The following NOL4 variants were observed in gnomAD, a reference collection of about 807,000 sequenced individuals.
NOL4 encodes nucleolar protein 4.
NOL4 carries 17 observed loss-of-function variants against 75.9 expected under a neutral mutation model. The observed-to-expected ratio is 0.22, with a 90% CI of 0.15 to 0.34. The LOEUF (loss-of-function observed/expected upper bound fraction) is 0.34, where lower values mean the gene tolerates loss of function less well. Among genes scored for constraint, NOL4 ranks in the 10% least tolerant of loss-of-function variants. NOL4 has a pLI of 1.00. For missense variants in NOL4, 614 were observed against 793.5 expected, an observed-to-expected ratio of 0.77 and a Z score of 2.72; for synonymous variants, 292 against 289.9, an observed-to-expected ratio of 1.01 and a Z score of -0.07.
intron 9 of NOL4, among the ~76,000 whole-genome samples, chr18:33,896,276 T>A (rs527729890): frequency 2.0e-5 from 3 of 152,212 alleles, no homozygotes; most frequent in Non-Finnish European, 4.4e-5. Context: ...ACCAATGACA[T>A]TCTTCACATA....
Position 34,056,722 on chromosome 18 carries a change from A to C in NOL4, c.772+36743T>G, listed in dbSNP as rs190691682. ...TCAAGAAAAGGACATGGGCATGCAA[A>C]ATTCTCTGAACTTTACTAGGATCTT... On this transcript the variant is annotated intron_variant, in intron 5 of 10. Coordinates refer to ENST00000261592, the MANE Select transcript of NOL4 (RefSeq NM_003787.5). 1.7e-4 allele frequency among the ~76,000 whole-genome samples: 26 copies of C among 152,216 alleles called. 1 individual carries two copies. The highest frequency in any genetic ancestry group is 1.4e-3 in the East Asian group (7 of 5,172).
chr18:34,105,343 T>C (rs368046260), intron 2 of NOL4, among the ~76,000 whole-genome samples, 183 bp from the exon 3 acceptor site: 29 of 152,142 alleles, frequency 1.9e-4, no homozygotes, highest in African/African-American at 7.0e-4. Context: ...TTAGATGTCT[T>C]TTAATAAAAG....
chr18:33,938,697 T>G (rs2068245968), intron 9 of NOL4, among the ~76,000 whole-genome samples: 2 of 152,168 alleles, frequency 1.3e-5, no homozygotes. Context: ...GATGGATAGA[T>G]TGCAAAAATG....
intron 1 of NOL4, among the ~76,000 whole-genome samples, chr18:34,217,962 C>T (rs1474312261): frequency 4.6e-5 from 7 of 152,094 alleles, no homozygotes; most frequent in Non-Finnish European, 1.0e-4. Flanking sequence ...GCTGTAAAAT[C>T]AACACTCTAC....
At chr18:34,046,981 T>C (rs897520304) in intron 5 of NOL4, among the ~76,000 whole-genome samples, 1 of 152,116 alleles carries the variant, frequency 6.6e-6, no homozygotes, top group African/African-American at 2.4e-5. Context: ...ACTCCCTGAC[T>C]TCCTGCTTTG....
At chr18:34,070,460 A>G (rs914217179) in intron 5 of NOL4, among the ~76,000 whole-genome samples, 4 of 152,140 alleles carry the variant, frequency 2.6e-5, no homozygotes, top group African/African-American at 9.7e-5. Flanking sequence ...TCATTTGTTG[A>G]TTTTCATTTA....
intron 5 of NOL4, among the ~76,000 whole-genome samples, chr18:34,047,756 A>T (rs8092990): frequency 0.44 from 66,398 of 151,814 alleles, 14,984 homozygotes; most frequent in East Asian, 0.52. Context: ...GCACAAACCA[A>T]AGAGGAAAAG....
intron 5 of NOL4, among the ~76,000 whole-genome samples, chr18:34,072,149 C>T (rs888102992): frequency 9.2e-5 from 14 of 151,864 alleles, no homozygotes; most frequent in South Asian, 8.3e-4. Flanking sequence ...GAGAATCGCC[C>T]GGGAGGCAGA....
At chr18:33,933,002 C>G (rs2067804026) in intron 9 of NOL4, among the ~76,000 whole-genome samples, 1 of 152,056 alleles carries the variant, frequency 6.6e-6, no homozygotes, top group South Asian at 2.1e-4. Flanking sequence ...ATACATGTTA[C>G]ATAGGAGATA....
rs188080743 is a variant in NOL4 at position 34,219,599 on chromosome 18, G to A, written c.264+3391C>T. Among the ~76,000 whole-genome samples the A allele has an allele frequency of 1.3e-3, 205 of 152,350 alleles. No individual in the cohort carries two copies. The Middle Eastern group carries it at 0.014, about 10-fold the overall frequency. On this transcript the variant is annotated intron_variant, in intron 1 of 10. Transcript: ENST00000261592. Reference sequence around the variant, plus strand: ...TGTAAAACAGAGTTACCATAGTTAAGTGAATTTAAAACTATCGCTGCTTAA... The same window carrying A: ...TGTAAAACAGAGTTACCATAGTTAAATGAATTTAAAACTATCGCTGCTTAA...
intron 9 of NOL4, among the ~76,000 whole-genome samples, chr18:33,917,999 C>A (rs1187586770): frequency 6.6e-6 from 1 of 152,134 alleles, no homozygotes; most frequent in East Asian, 1.9e-4. Flanking sequence ...TTATTGTTGT[C>A]ATTGTACAAA....
intron 6 of NOL4, among the ~76,000 whole-genome samples, chr18:34,018,345 C>T (rs1423652905): frequency 1.3e-5 from 2 of 152,088 alleles, no homozygotes; most frequent in East Asian, 1.9e-4. Context: ...GCTTAGGTGT[C>T]GGCTAATGTC....
chr18:34,158,682 A>G (rs1186733601), intron 1 of NOL4: 1 of 152,180 alleles, frequency 6.6e-6, no homozygotes, highest in Non-Finnish European at 1.5e-5. Flanking sequence ...ATTCCTATAA[A>G]TAGCTATATA....
At chr18:33,924,882 C>T (rs2067237250) in intron 9 of NOL4, among the ~76,000 whole-genome samples, 1 of 151,994 alleles carries the variant, frequency 6.6e-6, no homozygotes, top group African/African-American at 2.4e-5. Flanking sequence ...TACAAATAAA[C>T]ATAGGAGTGA....
intron 1 of NOL4, among the ~76,000 whole-genome samples, chr18:34,210,228 C>A (rs917375447): frequency 6.6e-6 from 1 of 152,136 alleles, no homozygotes; most frequent in Non-Finnish European, 1.5e-5. Context: ...AAGTGTATAA[C>A]CCTTCCAAGA....
At chr18:34,167,532 TTAGATAGATAGA>T (rs71159861) in intron 1 of NOL4, among the ~76,000 whole-genome samples, 37 of 149,990 alleles carry the variant, frequency 2.5e-4, no homozygotes, top group East Asian at 7.8e-4. Flanking sequence ...CCTCAAATAA[TTAGATAGATAGA>T]TAGATAGATA....
At chr18:33,976,796 C>T (rs968947625) in intron 6 of NOL4, among the ~76,000 whole-genome samples, 4 of 152,036 alleles carry the variant, frequency 2.6e-5, no homozygotes, top group Admixed American at 6.6e-5. Flanking sequence ...AATTTCATCA[C>T]CACCAATTCA....
At chr18:34,093,417 C>A in intron 5 of NOL4, 48 bp downstream of exon 5, 3 of 1,509,118 alleles carry the variant, frequency 2.0e-6, no homozygotes, top group Non-Finnish European at 2.7e-6. Flanking sequence ...CATTCTGACT[C>A]ATTTTTTTGC....
chr18:33,940,275 C>T (rs2068375768), intron 9 of NOL4, among the ~76,000 whole-genome samples: 1 of 152,050 alleles, frequency 6.6e-6, no homozygotes, highest in Non-Finnish European at 1.5e-5. Flanking sequence ...CAGCACTATT[C>T]ACAATAGCAA....
Sources: allele counts gnomAD v4.1 joint callset (sites outside exome capture counted in the v4.1 genomes callset), GRCh38; gene constraint gnomAD v4.1.1; transcripts MANE v1.5; gene names NCBI Gene and HGNC (gene_info 2026-07-23, HGNC 2026-07-21).